Variants in RGS6 observed in about 807,000 individuals in gnomAD.
RGS6 encodes regulator of G protein signaling 6, also known as regulator of G-protein signaling 6.
Under a neutral mutation model 78.5 loss-of-function variants are expected in RGS6, and 30 were observed. That is an observed-to-expected ratio of 0.38 (90% CI 0.29 to 0.52). RGS6 has a LOEUF of 0.52. RGS6 is among the 20% of genes least tolerant of loss of function. The pLI is 0.85. For synonymous variants in RGS6, 206 were observed against 206.0 expected (o/e 1.00, Z 0.00); for missense variants, 495 against 609.7 (o/e 0.81, Z 1.98).
At chr14:72,561,036 G>A (rs1567137022) in intron 17 of RGS6, among the ~76,000 whole-genome samples, 1 of 152,194 alleles carries the variant, frequency 6.6e-6, no homozygotes, top group East Asian at 1.9e-4. Context: ...GCCTCTCCAT[G>A]GAGATCTAAG....
intron 2 of RGS6, among the ~76,000 whole-genome samples, chr14:72,135,500 T>C (rs2096418707): frequency 6.6e-6 from 1 of 152,226 alleles, no homozygotes; most frequent in Non-Finnish European, 1.5e-5. Flanking sequence ...ATCCTCCACT[T>C]TCTGGCATGT....
intron 2 of RGS6, among the ~76,000 whole-genome samples, chr14:72,335,222 T>C (rs142889621): frequency 1.3e-5 from 2 of 152,262 alleles, no homozygotes; most frequent in East Asian, 3.9e-4. Flanking sequence ...AGGTAGGTCT[T>C]TCTTAGCAGC....
chr14:71,925,060 C>T, the RGS6 span, among the ~76,000 whole-genome samples: 3 of 152,078 alleles, frequency 2.0e-5, no homozygotes, highest in Non-Finnish European at 4.4e-5. Flanking sequence ...TTTTTTCCAC[C>T]TCCTTGCCAA....
the RGS6 span, chr14:72,619,961 G>A: frequency 5.2e-6 from 8 of 1,535,254 alleles, no homozygotes; most frequent in Non-Finnish European, 7.0e-6. Flanking sequence ...CTCGGTCACA[G>A]TCATCGCAGA....
intron 2 of RGS6, among the ~76,000 whole-genome samples, chr14:72,273,665 G>A (rs1288562974): frequency 1.3e-5 from 2 of 152,146 alleles, no homozygotes; most frequent in African/African-American, 2.4e-5. Context: ...TCTAGTGCCT[G>A]GAGTATAAGC....
intron 2 of RGS6, among the ~76,000 whole-genome samples, chr14:72,329,310 A>T (rs1004192993): frequency 6.6e-6 from 1 of 152,272 alleles, no homozygotes; most frequent in Non-Finnish European, 1.5e-5. Context: ...CTTATTGGGT[A>T]AAATCTTATT....
At chr14:72,069,453 T>C (rs1204486985) in intron 2 of RGS6, among the ~76,000 whole-genome samples, 2 of 152,266 alleles carry the variant, frequency 1.3e-5, no homozygotes, top group African/African-American at 4.8e-5. Context: ...CAGAATGTTT[T>C]AACTCCCGTT....
chr14:72,470,691 C>A (rs2096054510), intron 8 of RGS6, among the ~76,000 whole-genome samples: 1 of 152,056 alleles, frequency 6.6e-6, no homozygotes, highest in Non-Finnish European at 1.5e-5. Context: ...ACCAACCTGA[C>A]TAACATGGTG....
At chr14:71,907,046 A>G in the RGS6 span, among the ~76,000 whole-genome samples, 6 of 152,232 alleles carry the variant, frequency 3.9e-5, no homozygotes. Context: ...ACACCAAACC[A>G]GGAGATTAAT....
chr14:72,589,670 T>C, the RGS6 span, among the ~76,000 whole-genome samples: 1 of 152,210 alleles, frequency 6.6e-6, no homozygotes, highest in African/African-American at 2.4e-5. Context: ...GAATCTATCC[T>C]AAGGAACAAA....
At chr14:72,536,513 G>A (rs1440449421) in intron 16 of RGS6, among the ~76,000 whole-genome samples, 1 of 152,136 alleles carries the variant, frequency 6.6e-6, no homozygotes, top group Non-Finnish European at 1.5e-5. Flanking sequence ...CTCTCTGCAT[G>A]TTCTGCCCAT....
chr14:72,260,783 T>C (rs975628336), intron 2 of RGS6, among the ~76,000 whole-genome samples: 13 of 152,172 alleles, frequency 8.5e-5, no homozygotes, highest in Admixed American at 6.5e-4. Flanking sequence ...TACAGATGCT[T>C]CCAACATACA....
chr14:71,899,415 C>T, the RGS6 span, among the ~76,000 whole-genome samples: 6 of 152,202 alleles, frequency 3.9e-5, no homozygotes, highest in Non-Finnish European at 7.4e-5. Flanking sequence ...TTCAGCAAAA[C>T]ATTGTTGAGG....
intron 1 of RGS6, among the ~76,000 whole-genome samples, chr14:71,941,473 A>C (rs2152957948): frequency 6.6e-6 from 1 of 152,314 alleles, no homozygotes; most frequent in Middle Eastern, 3.4e-3. Context: ...GAGGGATATA[A>C]CTAATAAGAT....
chr14:72,540,882 A>T (rs1285418338), intron 17 of RGS6: 1 of 985,280 alleles, frequency 1.0e-6, no homozygotes, highest in Admixed American at 6.1e-5. Flanking sequence ...AGTGGCACAT[A>T]AAGACAGCCG....
intron 2 of RGS6, among the ~76,000 whole-genome samples, chr14:72,008,005 A>G (rs1408833998): frequency 6.6e-6 from 1 of 152,238 alleles, no homozygotes; most frequent in Non-Finnish European, 1.5e-5. Context: ...ACCTTTCATG[A>G]AAATGAAAGG....
intron 2 of RGS6, among the ~76,000 whole-genome samples, chr14:72,014,151 T>C (rs2086456280): frequency 6.6e-6 from 1 of 152,208 alleles, no homozygotes; most frequent in African/African-American, 2.4e-5. Context: ...GCATAATTTA[T>C]AATGCTGGCC....
At chr14:72,289,262 A>G (rs991062394) in intron 2 of RGS6, among the ~76,000 whole-genome samples, 2 of 150,708 alleles carry the variant, frequency 1.3e-5, no homozygotes, top group African/African-American at 4.9e-5. Flanking sequence ...CTCCCTCTCT[A>G]TTTTCTTTGT....
chr14:72,482,062 G>A (rs1459874836), intron 12 of RGS6, among the ~76,000 whole-genome samples: 3 of 152,038 alleles, frequency 2.0e-5, no homozygotes, highest in South Asian at 2.1e-4. Context: ...CGCCCGCCTC[G>A]GCCTCCCAAA....
Sources: allele counts gnomAD v4.1 joint callset (sites outside exome capture counted in the v4.1 genomes callset), GRCh38; gene constraint gnomAD v4.1.1; transcripts MANE v1.5; gene names NCBI Gene and HGNC (gene_info 2026-07-23, HGNC 2026-07-21).